NOTCH2NLR: variants seen among roughly 807,000 people sequenced by gnomAD.
NOTCH2NLR encodes the protein notch 2 N-terminal like R, also known as notch 2 N-terminal like R (pseudogene).
NOTCH2NLR carries 33 observed loss-of-function variants against 35.6 expected under a neutral mutation model. That is an observed-to-expected ratio of 0.93 (90% confidence interval 0.70 to 1.24). NOTCH2NLR has a LOEUF of 1.24. Among genes scored for constraint, NOTCH2NLR ranks in the 50% most tolerant of loss-of-function variants. NOTCH2NLR has a pLI of 0.00. For synonymous variants in NOTCH2NLR, 103 were observed against 141.0 expected (o/e 0.73, Z 1.91); for missense variants, 276 against 362.2 (o/e 0.76, Z 1.93).
At chr1:120,769,322 C>T (rs1430573978) in intron 2 of NOTCH2NLR, among the ~76,000 whole-genome samples, 5 of 151,224 alleles carry the variant, frequency 3.3e-5, no homozygotes, top group Non-Finnish European at 4.4e-5. Flanking sequence ...TCCCCTTTTC[C>T]TTCACCTTCT....
At chr1:120,793,073 A>C (rs1651511045) in intron 3 of NOTCH2NLR, 88 bp from the exon 4 acceptor site, 1 of 638,404 alleles carries the variant, frequency 1.6e-6, no homozygotes, top group Non-Finnish European at 2.6e-6. Context: ...TTCTCCACGC[A>C]AGAGCTCGCT....
Position 120,775,699 on chromosome 1 carries a change from T to A in NOTCH2NLR, c.156-9275T>A, listed in dbSNP as rs1307152338. On this transcript the variant is annotated intron_variant, in intron 2 of 4. Transcript: ENST00000624419. Reference sequence around the variant, plus strand: ...ATGCTATTGAGACCACTTTGTAGGATTTTTTTTTTTTTTAGTCAGGGCTCC... The same window carrying A: ...ATGCTATTGAGACCACTTTGTAGGAATTTTTTTTTTTTTAGTCAGGGCTCC... Among the ~76,000 whole-genome samples, 2 of 58,364 alleles carry A rather than the reference T, an allele frequency of 3.4e-5. 1 individual carries two copies. The highest frequency in any genetic ancestry group is 5.7e-5 in the Non-Finnish European group (2 of 35,010). 38.3% of individuals were successfully genotyped at this position (58,364 alleles called of 152,430 possible).
At chr1:120,732,894 T>C (rs1650879745) in intron 1 of NOTCH2NLR, among the ~76,000 whole-genome samples, 1 of 107,840 alleles carries the variant, frequency 9.3e-6, no homozygotes, top group East Asian at 2.1e-4. Context: ...TTACAGATAA[T>C]TAACTCGTAT....
chr1:120,768,121 T>C (rs1651214235), intron 2 of NOTCH2NLR, among the ~76,000 whole-genome samples: 1 of 105,506 alleles, frequency 9.5e-6, no homozygotes, highest in South Asian at 2.8e-4. Flanking sequence ...CTATGGATGC[T>C]AGGTTTTAGG....
In NOTCH2NLR at chr1:120,728,607, T is replaced by A. The variant is rs1650841261; in HGVS notation, c.73+4357T>A. Among the ~76,000 whole-genome samples, 3 of 117,594 alleles carry A rather than the reference T, an allele frequency of 2.6e-5. 1 individual carries two copies. Among genetic ancestry groups the A allele is most frequent in the Non-Finnish European group, 4.9e-5 (3 of 61,230 alleles). The allele number at this position is 117,594 out of a possible 152,430, so 77.1% of individuals were successfully genotyped here. A position where few individuals can be genotyped will look rare whatever the true frequency, so the allele number is the denominator to read the frequency against. The stretch of plus-strand genomic sequence containing the variant: ...ATTACTGTATTACTAGGCCAGCAAT[T>A]TCTGTTATTTTGTCCAGAATAGCCA... On this transcript the variant is annotated intron_variant, in intron 1 of 4. Coordinates refer to ENST00000624419, the Ensembl canonical transcript of NOTCH2NLR.
intron 2 of NOTCH2NLR, among the ~76,000 whole-genome samples, chr1:120,764,178 C>A (rs1276986062): frequency 8.8e-6 from 1 of 113,840 alleles, no homozygotes; most frequent in Admixed American, 8.5e-5. Context: ...ACCCAGGAGG[C>A]GGAGGTTGCA....
chr1:120,784,913 G>A, intron 2 of NOTCH2NLR, 61 bp from the exon 3 acceptor site: 1 of 1,025,732 alleles, frequency 9.7e-7, no homozygotes, highest in South Asian at 1.4e-5. Flanking sequence ...TTGTTTTACT[G>A]TAATTTTTTG....
At chr1:120,754,942 C>A (rs1298936677) in intron 1 of NOTCH2NLR, among the ~76,000 whole-genome samples, 13 of 127,778 alleles carry the variant, frequency 1.0e-4, no homozygotes, top group African/African-American at 4.0e-4. Flanking sequence ...CATAAACATG[C>A]AAGCTGAAGG....
intron 2 of NOTCH2NLR, among the ~76,000 whole-genome samples, chr1:120,779,753 CAAG>C (rs1195352836): frequency 8.2e-6 from 1 of 122,026 alleles, no homozygotes; most frequent in Non-Finnish European, 1.7e-5. Context: ...TTAGCCATCT[CAAG>C]AAGACAGCTA....
At chr1:120,759,236 T>G (rs1651107719) in intron 1 of NOTCH2NLR, among the ~76,000 whole-genome samples, 1 of 57,374 alleles carries the variant, frequency 1.7e-5, no homozygotes, top group Non-Finnish European at 2.9e-5. Context: ...AATGATGGAG[T>G]GATGAGATTG....
intron 3 of NOTCH2NLR, among the ~76,000 whole-genome samples, chr1:120,790,144 T>A (rs1651468070): frequency 3.1e-5 from 3 of 97,872 alleles, no homozygotes; most frequent in Non-Finnish European, 5.6e-5. Context: ...GCCTCCTGAG[T>A]AGCTGGGACT....
Position 120,785,166 on chromosome 1 carries a change from G to T in NOTCH2NLR, c.348G>T (p.Leu116=), listed in dbSNP as rs1651411613. 82 of 1,446,180 alleles carry T rather than the reference G, an allele frequency of 5.7e-5. 18 individuals are homozygous for T. Among genetic ancestry groups the T allele is most frequent in the Non-Finnish European group, 7.3e-5 (79 of 1,082,100 alleles). The allele number at this position is 1,446,180 out of a possible 1,614,324, so 89.6% of individuals were successfully genotyped here. The change falls in exon 3 of 5, where the codon CTG becomes CTT. Residue 116 remains leucine (L), a synonymous_variant. Coordinates refer to ENST00000624419, the Ensembl canonical transcript of NOTCH2NLR. ...CATGCTTTGTGTCTCGACCTTGCCT[G>T]AATGGCGGCACATGCCATATGCTCA... is the stretch of plus-strand genomic sequence containing the variant.
chr1:120,769,644 TATTA>T (rs1651238777), intron 2 of NOTCH2NLR, among the ~76,000 whole-genome samples: 1 of 121,908 alleles, frequency 8.2e-6, no homozygotes, highest in South Asian at 2.4e-4. Context: ...GTTCAGGTTT[TATTA>T]ATTCAAGAGT....
In NOTCH2NLR at chr1:120,784,084, C is replaced by G. The variant is rs1309789586; in HGVS notation, c.156-890C>G. On this transcript the variant is annotated intron_variant, in intron 2 of 4. Coordinates refer to ENST00000624419, the Ensembl canonical transcript of NOTCH2NLR. ...CAGTCATAGAAGGTTAGCTGTGAAA[C>G]AATAATTTGGAAAGGTAAATGGGAC... 1.7e-5 allele frequency among the ~76,000 whole-genome samples: 2 copies of G among 116,812 alleles called. 1 individual carries two copies. Among genetic ancestry groups the G allele is most frequent in the Admixed American group, 1.6e-4 (2 of 12,288 alleles). 76.6% of individuals were successfully genotyped at this position (116,812 alleles called of 152,430 possible).
At position 120,770,289 on chromosome 1, in the gene NOTCH2NLR, C is replaced by T. The variant is rs1313432545; in HGVS notation, c.155+6580C>T. On this transcript the variant is annotated intron_variant, in intron 2 of 4. Coordinates refer to ENST00000624419, the Ensembl canonical transcript of NOTCH2NLR. ...GGTTCATGCCATTCTCCTGCCTCAGCCTCTCAAGTAGCCGGGACTATAAGC... is the reference window on the plus strand; with the variant it reads ...GGTTCATGCCATTCTCCTGCCTCAGTCTCTCAAGTAGCCGGGACTATAAGC... Among the ~76,000 whole-genome samples, 62 of 107,364 alleles carry T rather than the reference C, an allele frequency of 5.8e-4. 11 individuals are homozygous for T. Among genetic ancestry groups the T allele is most frequent in the Admixed American group, 7.3e-4 (8 of 11,034 alleles). The allele number at this position is 107,364 out of a possible 152,430, so 70.4% of individuals were successfully genotyped here. A position where few individuals can be genotyped will look rare whatever the true frequency, so the allele number is the denominator to read the frequency against.
Position 120,784,100 on chromosome 1 carries a change from T to G in NOTCH2NLR, c.156-874T>G, listed in dbSNP as rs1354922917. Among the ~76,000 whole-genome samples, 123 of 117,772 alleles carry G rather than the reference T, an allele frequency of 1.0e-3. 1 individual carries two copies. The highest frequency in any genetic ancestry group is 4.3e-3 in the South Asian group (17 of 3,992). The allele number at this position is 117,772 out of a possible 152,430, so 77.3% of individuals were successfully genotyped here. ...GCTGTGAAACAATAATTTGGAAAGGTAAATGGGACCTCATGAAAGTGTGGG... is the reference window on the plus strand; with the variant it reads ...GCTGTGAAACAATAATTTGGAAAGGGAAATGGGACCTCATGAAAGTGTGGG... On this transcript the variant is annotated intron_variant, in intron 2 of 4. Transcript: ENST00000624419.
In NOTCH2NLR at chr1:120,790,509, G is replaced by T. The variant is rs1381388473; in HGVS notation, c.416-2652G>T. Among the ~76,000 whole-genome samples the T allele has an allele frequency of 3.5e-5, 4 of 114,654 alleles. 2 individuals carry two copies. Among genetic ancestry groups the T allele is most frequent in the African/African-American group, 1.0e-4 (2 of 19,270 alleles). 75.2% of individuals were successfully genotyped at this position (114,654 alleles called of 152,430 possible). A position where few individuals can be genotyped will look rare whatever the true frequency, so the allele number is the denominator to read the frequency against. ...AATATATATGGAAACCAAATTCAGG[G>T]TTGATTCTTTCTTTCTTTCTCCCTC... On this transcript the variant is annotated intron_variant, in intron 3 of 4. Transcript: ENST00000624419.
chr1:120,768,661 T>C (rs1651222535), intron 2 of NOTCH2NLR, among the ~76,000 whole-genome samples: 2 of 103,866 alleles, frequency 1.9e-5, no homozygotes, highest in Admixed American at 1.9e-4. Flanking sequence ...GCTTCGCTTT[T>C]TCTGAGGCTT....
intron 1 of NOTCH2NLR, among the ~76,000 whole-genome samples, chr1:120,730,825 G>A (rs1340741555): frequency 2.7e-5 from 1 of 37,590 alleles, no homozygotes; most frequent in Non-Finnish European, 4.4e-5. Flanking sequence ...TGCTGTCTTA[G>A]TGGTGTATTG....
Sources: allele counts gnomAD v4.1 joint callset (sites outside exome capture counted in the v4.1 genomes callset), GRCh38; gene constraint gnomAD v4.1.1; transcripts MANE v1.5; gene names NCBI Gene and HGNC (gene_info 2026-07-23, HGNC 2026-07-21).